RCSD1: variants seen among roughly 807,000 people sequenced by gnomAD.
The protein encoded by RCSD1 is capZ-interacting protein.
RCSD1 carries 26 observed loss-of-function variants against 42.5 expected under a neutral mutation model. That is an observed-to-expected ratio of 0.61 (90% CI 0.45 to 0.85). The LOEUF is 0.85. Among genes scored for constraint, RCSD1 ranks in the 40% least tolerant of loss-of-function variants. RCSD1 has a pLI of 0.00. For missense variants in RCSD1, 571 were observed against 528.3 expected, an observed-to-expected ratio of 1.08 and a Z score of -0.79; for synonymous variants, 220 against 212.2, an observed-to-expected ratio of 1.04 and a Z score of -0.32.
intron 1 of RCSD1, among the ~76,000 whole-genome samples, chr1:167,680,784 A>G (rs563263451): frequency 6.6e-6 from 1 of 152,330 alleles, no homozygotes; most frequent in East Asian, 1.9e-4. Context: ...AGTACATGCT[A>G]TGTTTCAGGC....
chr1:167,655,204 A>G (rs1454727965), intron 1 of RCSD1, among the ~76,000 whole-genome samples: 1 of 152,126 alleles, frequency 6.6e-6, no homozygotes, highest in Non-Finnish European at 1.5e-5. Flanking sequence ...ACCCTCACTG[A>G]CATCACCCTT....
chr1:167,701,319 T>TCTTTCTTTCTTTCTTTCTTTCTTTC (rs1553252220), intron 6 of RCSD1, among the ~76,000 whole-genome samples: 65 of 136,876 alleles, frequency 4.7e-4, no homozygotes, highest in Admixed American at 8.3e-4. Context: ...TTTCTTTCTT[T>TCTTTCTTTCTTTCTTTCTTTCTTTC]TTTTTAGATG....
At chr1:167,668,093 C>T (rs977400838) in intron 1 of RCSD1, among the ~76,000 whole-genome samples, 2 of 152,070 alleles carry the variant, frequency 1.3e-5, no homozygotes, top group African/African-American at 4.8e-5. Context: ...GAGTTCAAAA[C>T]CAGCCTGGCC....
At chr1:167,687,699 GCTACC>G (rs1659270648) in intron 3 of RCSD1, among the ~76,000 whole-genome samples, 1 of 152,170 alleles carries the variant, frequency 6.6e-6, no homozygotes, top group Non-Finnish European at 1.5e-5. Context: ...ACCCGGTCAG[GCTACC>G]CCTCGGTTCC....
chr1:167,673,482 C>T (rs1393137503), intron 1 of RCSD1, among the ~76,000 whole-genome samples: 8 of 152,170 alleles, frequency 5.3e-5, no homozygotes, highest in East Asian at 1.9e-4. Context: ...GAGCTGGCAC[C>T]GAGGAAGCTC....
chr1:167,682,145 C>A (rs1317050284), intron 1 of RCSD1, among the ~76,000 whole-genome samples: 1 of 151,616 alleles, frequency 6.6e-6, no homozygotes, highest in Non-Finnish European at 1.5e-5. Flanking sequence ...ATGGCCCCAG[C>A]AGTTCCTTCA....
chr1:167,653,610 TG>T (rs1658359893), intron 1 of RCSD1, among the ~76,000 whole-genome samples: 1 of 152,176 alleles, frequency 6.6e-6, no homozygotes, highest in Admixed American at 6.5e-5. Flanking sequence ...GCTAGGAATA[TG>T]GGGATGTCAA....
intron 1 of RCSD1, among the ~76,000 whole-genome samples, chr1:167,654,101 T>G (rs766580335): frequency 7.2e-5 from 11 of 152,228 alleles, no homozygotes; most frequent in Non-Finnish European, 1.6e-4. Context: ...TGAGATCATC[T>G]TCGTTAAGCA....
chr1:167,697,203 T>G lies in RCSD1; in HGVS notation c.579T>G (p.Ser193=). The change falls in exon 6 of 7, where the codon TCT becomes TCG. Residue 193 remains serine (S), a synonymous_variant. Coordinates refer to ENST00000367854, the MANE Select transcript of RCSD1 (RefSeq NM_052862.4). ...GAGATTTCAGGGCGGTGGAGTCATC[T>G]CAGCAGAACGGTGCTAAGGAAGAGG... ...ELGDFRAVES[S]QQNGAKEEDG... is the part of the protein sequence containing the mutation. 6.2e-7 allele frequency: 1 copy of G among 1,614,198 alleles called. No homozygotes were observed. The highest frequency in any genetic ancestry group is 1.1e-5 in the South Asian group (1 of 91,078).
At chr1:167,668,440 C>T (rs1211156568) in intron 1 of RCSD1, among the ~76,000 whole-genome samples, 1 of 152,158 alleles carries the variant, frequency 6.6e-6, no homozygotes, top group Non-Finnish European at 1.5e-5. Flanking sequence ...ACCCCTCAAA[C>T]CTCACACTTT....
At chr1:167,686,703 T>A (rs958863084) in intron 3 of RCSD1, among the ~76,000 whole-genome samples, 1 of 152,102 alleles carries the variant, frequency 6.6e-6, no homozygotes, top group African/African-American at 2.4e-5. Context: ...CTTTATGGGG[T>A]CATCAGCCAG....
intron 1 of RCSD1, among the ~76,000 whole-genome samples, chr1:167,674,903 T>A (rs1205411298): frequency 6.6e-6 from 1 of 152,182 alleles, no homozygotes; most frequent in Admixed American, 6.5e-5. Flanking sequence ...TCTGTTCTCA[T>A]GCTGCTAATA....
rs949999285 is a variant in RCSD1, at chr1:167,630,349, G to A, written c.-75G>A. 1.5e-6 allele frequency: 2 copies of A among 1,374,304 alleles called. No individual in the cohort carries two copies. Among genetic ancestry groups the A allele is most frequent in the African/African-American group, 3.0e-5 (2 of 67,768 alleles). 85.1% of individuals were successfully genotyped at this position (1,374,304 alleles called of 1,614,324 possible). On this transcript the variant is annotated 5_prime_UTR_variant, in exon 1 of 7. Transcript: ENST00000367854. Reference sequence around the variant, plus strand: ...CCGAAACTGGCCACGGCCGGGAGCGGAGGGGACAGCGGGGATCGTGAGCTC... The same window carrying A: ...CCGAAACTGGCCACGGCCGGGAGCGAAGGGGACAGCGGGGATCGTGAGCTC...
At chr1:167,695,939 A>G (rs1053209149) in intron 5 of RCSD1, among the ~76,000 whole-genome samples, 2 of 152,202 alleles carry the variant, frequency 1.3e-5, no homozygotes, top group African/African-American at 4.8e-5. Context: ...GATTCTGAGA[A>G]TCACATGCTT....
chr1:167,695,559 G>A (rs1170600016), intron 5 of RCSD1, among the ~76,000 whole-genome samples: 1 of 135,474 alleles, frequency 7.4e-6, no homozygotes, highest in African/African-American at 2.6e-5. Flanking sequence ...TTTTTTTTGA[G>A]GCAAGGTCTT....
chr1:167,649,634 G>A (rs742469), intron 1 of RCSD1, among the ~76,000 whole-genome samples: 21,070 of 152,104 alleles, frequency 0.14, 1,933 homozygotes, highest in Non-Finnish European at 0.19. Context: ...AGGCCTTTAG[G>A]AGGCTGGTCA....
intron 1 of RCSD1, among the ~76,000 whole-genome samples, chr1:167,653,215 G>A (rs922923387): frequency 6.6e-6 from 1 of 152,132 alleles, no homozygotes; most frequent in East Asian, 1.9e-4. Context: ...ATAACTTTGG[G>A]TTGGTATTTT....
chr1:167,691,495 G>A (rs1659377104), intron 4 of RCSD1, among the ~76,000 whole-genome samples: 1 of 152,238 alleles, frequency 6.6e-6, no homozygotes, highest in African/African-American at 2.4e-5. Flanking sequence ...CTGTAGGAGA[G>A]GTTCCTGTTC....
At chr1:167,637,852 C>T (rs1177089548) in intron 1 of RCSD1, among the ~76,000 whole-genome samples, 7 of 152,160 alleles carry the variant, frequency 4.6e-5, no homozygotes, top group Admixed American at 3.9e-4. Flanking sequence ...CCTGAAAAGT[C>T]AGCGTTTCTC....
Sources: allele counts gnomAD v4.1 joint callset (sites outside exome capture counted in the v4.1 genomes callset), GRCh38; gene constraint gnomAD v4.1.1; transcripts MANE v1.5; gene names NCBI Gene and HGNC (gene_info 2026-07-23, HGNC 2026-07-21).